The following LRPAP1 variants were observed in gnomAD, a reference collection of about 807,000 sequenced individuals.
LRPAP1 encodes LDL receptor related protein associated protein 1, also known as alpha-2-macroglobulin receptor-associated protein.
A neutral mutation model predicts 39.9 loss-of-function variants in LRPAP1; 41 were observed. That is an observed-to-expected ratio of 1.03 (90% CI 0.80 to 1.33). LRPAP1 has a LOEUF of 1.33. Ranked by LOEUF, LRPAP1 falls within the 40% of genes most tolerant of loss-of-function variation. The pLI is 0.00. For synonymous variants in LRPAP1, 263 were observed against 212.7 expected (o/e 1.24, Z -2.06); for missense variants, 565 against 482.3 (o/e 1.17, Z -1.61).
rs1207296893 is a variant in LRPAP1 at position 3,504,159 on chromosome 4, C to T, written c.*8815G>A. The T allele has an allele frequency of 1.3e-5, 2 of 152,316 alleles. No homozygotes were observed. Among genetic ancestry groups the T allele is most frequent in the African/African-American group, 2.4e-5 (1 of 41,482 alleles). 9.4% of individuals were successfully genotyped at this position (152,316 alleles called of 1,614,324 possible). On this transcript the variant is annotated 3_prime_UTR_variant, in exon 8 of 8. Coordinates refer to ENST00000650182, the MANE Select transcript of LRPAP1 (RefSeq NM_002337.4). ...TGAATGTGAGCGGGGAAAGTGCTCA[C>T]CTGGCAAGATCTGGCCTGCGGCCCT... is the stretch of plus-strand genomic sequence containing the variant.
chr4:3,515,445 C>T (rs1430667680), intron 6 of LRPAP1, among the ~76,000 whole-genome samples: 1 of 152,230 alleles, frequency 6.6e-6, no homozygotes, highest in African/African-American at 2.4e-5. Context: ...AAGCTCCTGA[C>T]CCCTTTCTGG....
chr4:3,525,932 G>C (rs1300532502), intron 1 of LRPAP1, among the ~76,000 whole-genome samples: 1 of 152,266 alleles, frequency 6.6e-6, no homozygotes, highest in Non-Finnish European at 1.5e-5. Flanking sequence ...ATCAACTCTG[G>C]CCTCGGGGCT....
At chr4:3,530,603 G>A (rs1730220774) in intron 1 of LRPAP1, among the ~76,000 whole-genome samples, 1 of 152,208 alleles carries the variant, frequency 6.6e-6, no homozygotes, top group Non-Finnish European at 1.5e-5. Flanking sequence ...GGAGGTTTAG[G>A]AGACATGACC....
rs557349319 is a variant in LRPAP1, at chr4:3,512,635, ATTT to A, written c.*336_*338del. 12 of 300,346 alleles carry A rather than the reference ATTT, an allele frequency of 4.0e-5. No homozygotes were observed. In the East Asian group the frequency reaches 8.0e-4, roughly 20 times the overall value. The allele number at this position is 300,346 out of a possible 1,614,324, so 18.6% of individuals were successfully genotyped here. ...GTATTTCCGGTGGCAGATGTGTAAG[ATTT>A]TTTATGTAAATCGTGTTGTTTTAGC... On this transcript the variant is annotated 3_prime_UTR_variant, in exon 8 of 8. Coordinates refer to ENST00000650182, the MANE Select transcript of LRPAP1 (RefSeq NM_002337.4).
intron 7 of LRPAP1, among the ~76,000 whole-genome samples, chr4:3,514,027 A>G (rs780179340): frequency 2.0e-5 from 3 of 152,162 alleles, no homozygotes; most frequent in Non-Finnish European, 4.4e-5. Context: ...CTAGCATTCC[A>G]TCCCCGCGTC....
At chr4:3,528,470 C>A (rs1441508044) in intron 1 of LRPAP1, among the ~76,000 whole-genome samples, 1 of 152,206 alleles carries the variant, frequency 6.6e-6, no homozygotes, top group Non-Finnish European at 1.5e-5. Context: ...CTTCTCAACG[C>A]CCCAGGAAAC....
chr4:3,529,099 G>T (rs1006871521), intron 1 of LRPAP1, among the ~76,000 whole-genome samples: 67 of 152,070 alleles, frequency 4.4e-4, no homozygotes, highest in Non-Finnish European at 1.3e-4. Flanking sequence ...GAGGCGGGAG[G>T]ATCACTTGAG....
In LRPAP1 at chr4:3,516,191, C is replaced by A; in HGVS notation, c.759G>T (p.Glu253Asp). The A allele has an allele frequency of 6.4e-7, 1 of 1,572,092 alleles. No homozygotes were observed. Among genetic ancestry groups the A allele is most frequent in the African/African-American group, 1.3e-5 (1 of 74,402 alleles). ...CCCACAGGTCAATCACCCTGGGCTC[C>A]TCGAACTCTGCAGGGGAGGAGCAAG... ...HQGYSTEAEF[E>D]EPRVIDLWDL... Residue 253 changes from glutamate to aspartate, a missense_variant, in exon 6 of 8, where the codon GAG (glutamate) becomes GAT (aspartate). Transcript: ENST00000650182.
At position 3,516,117 on chromosome 4, in the gene LRPAP1, C is replaced by T. The variant is rs192009446; in HGVS notation, c.833G>A (p.Arg278Gln). The T allele has an allele frequency of 4.8e-5, 76 of 1,571,552 alleles. No individual in the cohort carries two copies. In the Admixed American group the frequency reaches 1.1e-3, roughly 22 times the overall value. The change falls in exon 6 of 8, where the codon CGG becomes CAG. Residue 278 changes from arginine (R) to glutamine (Q), a missense_variant and splice_region_variant. By Grantham distance (43) the Arg-to-Gln change is conservative (BLOSUM62 1). Transcript: ENST00000650182. ...AAGGAGAGGGCCGTGTTTCCTTACCCGGAACGCCTCCAGCTCCTTGTCCGT... is the reference window on the plus strand; with the variant it reads ...AAGGAGAGGGCCGTGTTTCCTTACCTGGAACGCCTCCAGCTCCTTGTCCGT... ...NLTDKELEAF[R>Q]EELKHFEAKI... is the part of the protein sequence containing the mutation.
At chr4:3,516,336 C>T (rs1191178965) in intron 5 of LRPAP1, 138 bp from the exon 6 acceptor site, 6 of 512,350 alleles carry the variant, frequency 1.2e-5, no homozygotes, top group Middle Eastern at 4.5e-4. Flanking sequence ...AACACGGGTG[C>T]GTGCACTCAA....
In LRPAP1 at chr4:3,505,635, C is replaced by CTATACCAGCTACCCCAAGACCGTA. The variant is rs1729330076; in HGVS notation, c.*7338_*7339insTACGGTCTTGGGGTAGCTGGTATA. 2.0e-5 allele frequency among the ~76,000 whole-genome samples: 3 copies of CTATACCAGCTACCCCAAGACCGTA among 151,936 alleles called. No homozygotes were observed. The East Asian group carries it at 5.8e-4, about 29-fold the overall frequency. ...CCACTACCAGCTACCCCAAGCCCGT[C>CTATACCAGCTACCCCAAGACCGTA]TATACCAGCTACCCCAAGACCGTCT... is the stretch of plus-strand genomic sequence containing the variant. On this transcript the variant is annotated 3_prime_UTR_variant, in exon 8 of 8. Coordinates refer to ENST00000650182, the MANE Select transcript of LRPAP1 (RefSeq NM_002337.4).
At position 3,507,501 on chromosome 4, in the gene LRPAP1, T is replaced by C. The variant is rs574108724; in HGVS notation, c.*5473A>G. ...ATATTTATACATTATCATCTGCGAA[T>C]TACTGACATTTGCTTTGGGTCCTAG... On this transcript the variant is annotated 3_prime_UTR_variant, in exon 8 of 8. Coordinates refer to ENST00000650182, the MANE Select transcript of LRPAP1 (RefSeq NM_002337.4). 1 of 152,278 alleles carries C rather than the reference T, an allele frequency of 6.6e-6. No individual in the cohort carries two copies. The highest frequency in any genetic ancestry group is 2.4e-5 in the African/African-American group (1 of 41,554). The allele number at this position is 152,278 out of a possible 1,614,324, so 9.4% of individuals were successfully genotyped here.
Position 3,532,382 on chromosome 4 carries a change from G to A in LRPAP1, c.31C>T (p.Arg11Cys), listed in dbSNP as rs758071696. ...AGCAGTAGCAGCGCCGGGAGCCCGCGCAGAAACGACCTGACCCTCCGCGGC... is the reference window on the plus strand; with the variant it reads ...AGCAGTAGCAGCGCCGGGAGCCCGCACAGAAACGACCTGACCCTCCGCGGC... MAPRRVRSFL[R>C]GLPALLLLLL... is the part of the protein sequence containing the mutation. Residue 11 changes from arginine to cysteine, a missense_variant, in exon 1 of 8, where the codon CGC (arginine) becomes TGC (cysteine). Coordinates refer to ENST00000650182, the MANE Select transcript of LRPAP1 (RefSeq NM_002337.4). The A allele has an allele frequency of 1.5e-5, 24 of 1,590,806 alleles. No individual in the cohort carries two copies. In the South Asian group the frequency reaches 2.4e-4, roughly 16 times the overall value.
At chr4:3,529,685 C>A (rs1730188388) in intron 1 of LRPAP1, among the ~76,000 whole-genome samples, 1 of 152,164 alleles carries the variant, frequency 6.6e-6, no homozygotes, top group Non-Finnish European at 1.5e-5. Context: ...GAAGCAGCAC[C>A]CCCCTGGCCG....
At chr4:3,528,898 G>T (rs866525964) in intron 1 of LRPAP1, among the ~76,000 whole-genome samples, 1 of 152,206 alleles carries the variant, frequency 6.6e-6, no homozygotes, top group African/African-American at 2.4e-5. Flanking sequence ...TCAAGCCAGG[G>T]GGGACGCTTG....
chr4:3,529,905 G>C (rs1224873095), intron 1 of LRPAP1, among the ~76,000 whole-genome samples: 2 of 152,222 alleles, frequency 1.3e-5, no homozygotes, highest in African/African-American at 4.8e-5. Flanking sequence ...ACCAAAGAAA[G>C]GACAAGACCG....
chr4:3,526,614 C>T (rs547486316), intron 1 of LRPAP1, among the ~76,000 whole-genome samples: 1 of 152,326 alleles, frequency 6.6e-6, no homozygotes, highest in African/African-American at 2.4e-5. Context: ...TCAGGAGGCC[C>T]AGCCCTCAGG....
At position 3,516,185 on chromosome 4, in the gene LRPAP1, G is replaced by T; in HGVS notation, c.765C>A (p.Pro255=). 1.3e-6 allele frequency: 2 copies of T among 1,575,154 alleles called. No individual in the cohort carries two copies. The highest frequency in any genetic ancestry group is 4.6e-5 in the East Asian group (2 of 43,284). Residue 255 remains proline, a synonymous_variant, in exon 6 of 8, where the codon CCC becomes CCA. Coordinates refer to ENST00000650182, the MANE Select transcript of LRPAP1 (RefSeq NM_002337.4). The stretch of plus-strand genomic sequence containing the variant: ...CCAGGTCCCACAGGTCAATCACCCT[G>T]GGCTCCTCGAACTCTGCAGGGGAGG... ...GYSTEAEFEE[P]RVIDLWDLAQ...
rs948852411 is a variant in LRPAP1, at chr4:3,504,899, A to G, written c.*8075T>C. Among the ~76,000 whole-genome samples the G allele has an allele frequency of 3.3e-5, 5 of 152,132 alleles. No homozygotes were observed. The highest frequency in any genetic ancestry group is 2.9e-5 in the Non-Finnish European group (2 of 68,028). ...GAGGCAGAGGTTGCAGTGAGCCGAG[A>G]TCGCACCAACGCACTCCAGCCTGGG... On this transcript the variant is annotated 3_prime_UTR_variant, in exon 8 of 8. Coordinates refer to ENST00000650182, the MANE Select transcript of LRPAP1 (RefSeq NM_002337.4).
Sources: allele counts gnomAD v4.1 joint callset (sites outside exome capture counted in the v4.1 genomes callset), GRCh38; gene constraint gnomAD v4.1.1; transcripts MANE v1.5; gene names NCBI Gene and HGNC (gene_info 2026-07-23, HGNC 2026-07-21).